Variants in EVI5 observed in about 807,000 individuals in gnomAD.
The protein encoded by EVI5 is ecotropic viral integration site 5 protein homolog.
In EVI5, 73 loss-of-function variants were observed where a neutral mutation model predicts 112.0. That is an observed-to-expected ratio of 0.65 (90% CI 0.54 to 0.79). EVI5 has a LOEUF of 0.79. EVI5 is among the 30% of genes least tolerant of loss of function. EVI5 has a pLI of 0.00. For missense variants in EVI5, 900 were observed against 968.8 expected, an observed-to-expected ratio of 0.93 and a Z score of 0.94; for synonymous variants, 305 against 319.9, an observed-to-expected ratio of 0.95 and a Z score of 0.50.
At chr1:92,589,345 T>A (rs1299863313) in intron 18 of EVI5, among the ~76,000 whole-genome samples, 1 of 151,778 alleles carries the variant, frequency 6.6e-6, no homozygotes, top group Non-Finnish European at 1.5e-5. Flanking sequence ...GCACAAGGGG[T>A]CAGGGAATTC....
intron 13 of EVI5, among the ~76,000 whole-genome samples, chr1:92,653,396 C>T (rs115723232): frequency 0.021 from 3,163 of 152,320 alleles, 126 homozygotes; most frequent in African/African-American, 0.071. Context: ...AAGAGCTCAC[C>T]ACCTGTGGAC....
intron 16 of EVI5, among the ~76,000 whole-genome samples, chr1:92,610,418 T>C (rs750600997): frequency 6.6e-6 from 1 of 152,178 alleles, no homozygotes; most frequent in Non-Finnish European, 1.5e-5. Flanking sequence ...TTATGGTTGA[T>C]AAATAATACA....
chr1:92,558,871 CA>C (rs1370218597), intron 19 of EVI5, among the ~76,000 whole-genome samples: 1 of 148,604 alleles, frequency 6.7e-6, no homozygotes, highest in Non-Finnish European at 1.5e-5. Context: ...CAAAACAAAA[CA>C]AAAAAACCCA....
chr1:92,788,538 T>C (rs1685837607), upstream of EVI5, among the ~76,000 whole-genome samples: 1 of 151,174 alleles, frequency 6.6e-6, no homozygotes, highest in Non-Finnish European at 1.5e-5. Flanking sequence ...GGCTCATGCC[T>C]GTAATCCCAG....
chr1:92,781,556 A>G (rs1168480133), intron 1 of EVI5, among the ~76,000 whole-genome samples: 1 of 152,078 alleles, frequency 6.6e-6, no homozygotes, highest in Admixed American at 6.6e-5. Flanking sequence ...AACACAGAAA[A>G]ATATGTTCAT....
At chr1:92,654,396 A>G (rs1252833508) in intron 13 of EVI5, among the ~76,000 whole-genome samples, 1 of 152,136 alleles carries the variant, frequency 6.6e-6, no homozygotes. Flanking sequence ...CACAGCCAGT[A>G]CACTACTACT....
chr1:92,786,434 T>C (rs1685646750), upstream of EVI5, among the ~76,000 whole-genome samples: 1 of 152,172 alleles, frequency 6.6e-6, no homozygotes, highest in Admixed American at 6.5e-5. Flanking sequence ...AACTCAATCC[T>C]TGTATAAGAA....
At position 92,567,269 on chromosome 1, in the gene EVI5, A is replaced by C. The variant is rs567559262; in HGVS notation, c.2071-3532T>G. Among the ~76,000 whole-genome samples, 86 of 152,364 alleles carry C rather than the reference A, an allele frequency of 5.6e-4. 1 individual carries two copies. The South Asian group carries it at 0.017, about 31-fold the overall frequency. The stretch of plus-strand genomic sequence containing the variant: ...AAGTTAAAAAAAATTAAGTTTATAA[A>C]GTGAAAAAGTTACACTAAGCTAAGG... On this transcript the variant is annotated intron_variant, in intron 18 of 19. Transcript: ENST00000684568.
intron 18 of EVI5, among the ~76,000 whole-genome samples, chr1:92,589,466 G>A (rs1160869488): frequency 1.3e-5 from 2 of 152,174 alleles, no homozygotes; most frequent in Non-Finnish European, 2.9e-5. Context: ...CCAGGAGATT[G>A]TATCCTGTGC....
At chr1:92,595,105 C>G (rs1485246738) in intron 18 of EVI5, among the ~76,000 whole-genome samples, 1 of 151,892 alleles carries the variant, frequency 6.6e-6, no homozygotes, top group Non-Finnish European at 1.5e-5. Context: ...GCTATAAAGA[C>G]ACATGCACAC....
At chr1:92,672,624 T>C (rs904583081) in intron 10 of EVI5, among the ~76,000 whole-genome samples, 4 of 152,226 alleles carry the variant, frequency 2.6e-5, no homozygotes, top group Non-Finnish European at 5.9e-5. Flanking sequence ...TATTTCCATA[T>C]TAAAATATAA....
At chr1:92,690,070 G>A (rs1225098624) in intron 9 of EVI5, among the ~76,000 whole-genome samples, 4 of 151,962 alleles carry the variant, frequency 2.6e-5, no homozygotes, top group African/African-American at 4.8e-5. Context: ...CAGAGATGGG[G>A]TCTCGCTATG....
intron 19 of EVI5, among the ~76,000 whole-genome samples, chr1:92,527,429 A>AAG (rs66659134): frequency 0.73 from 98,083 of 134,386 alleles, 36,804 homozygotes; most frequent in East Asian, 0.94. Flanking sequence ...AAAAAAAAAA[A>AAG]AAAAGAAAAA....
chr1:92,608,128 G>C (rs1048388000), intron 16 of EVI5, among the ~76,000 whole-genome samples: 4 of 150,992 alleles, frequency 2.6e-5, no homozygotes, highest in Admixed American at 2.0e-4. Flanking sequence ...TCCAGCCTGG[G>C]CGACAGAGCG....
chr1:92,569,832 G>A (rs1196133430), intron 18 of EVI5, among the ~76,000 whole-genome samples: 2 of 120,422 alleles, frequency 1.7e-5, no homozygotes, highest in African/African-American at 3.3e-5. Flanking sequence ...CCAGCCTGGC[G>A]ATGGAGGGAG....
At position 92,513,909 on chromosome 1, in the gene EVI5, A is replaced by G. The variant is rs1216342554; in HGVS notation, c.2228T>C (p.Ile743Thr). The G allele has an allele frequency of 1.2e-6, 2 of 1,604,246 alleles. No individual in the cohort carries two copies. The highest frequency in any genetic ancestry group is 2.2e-5 in the South Asian group (2 of 89,898). ...SGQPPFDGIH[I>T]VNHLIGDDES... is the part of the protein sequence containing the mutation. ...ATCATCTCCTATTAAATGGTTGACA[A>G]TGTGGATTCCATCAAAAGGAGGTTG... The change falls in exon 20 of 20, where the codon ATT (isoleucine) becomes ACT (threonine). Residue 743 changes from isoleucine to threonine, a missense_variant. Transcript: ENST00000684568.
At chr1:92,518,590 G>A (rs1342089326) in intron 19 of EVI5, among the ~76,000 whole-genome samples, 1 of 150,910 alleles carries the variant, frequency 6.6e-6, no homozygotes, top group Non-Finnish European at 1.5e-5. Flanking sequence ...CATATTACCA[G>A]AGAATTCGAG....
intron 1 of EVI5, among the ~76,000 whole-genome samples, chr1:92,783,689 G>A (rs1685189445): frequency 2.6e-5 from 4 of 151,136 alleles, no homozygotes; most frequent in African/African-American, 9.7e-5. Flanking sequence ...GCGCGCGCCT[G>A]TAGTCCCAGC....
chr1:92,590,262 G>A (rs962569729), intron 18 of EVI5, among the ~76,000 whole-genome samples: 10 of 152,162 alleles, frequency 6.6e-5, no homozygotes, highest in Non-Finnish European at 1.2e-4. Flanking sequence ...AAAGCTGGAC[G>A]GAGAATGACT....
Sources: gnomAD v4.1 joint callset for allele counts (sites outside exome capture counted in the v4.1 genomes callset) on GRCh38, gnomAD v4.1.1 for gene constraint, MANE v1.5 for transcripts, NCBI Gene and HGNC (gene_info 2026-07-23, HGNC 2026-07-21) for gene names.